Variants in AFG2A observed in about 807,000 individuals in gnomAD.
The protein encoded by AFG2A is AAA ATPase AFG2A.
the AFG2A span, among the ~76,000 whole-genome samples, chr4:123,099,639 G>C: frequency 2.6e-5 from 4 of 151,590 alleles, no homozygotes; most frequent in African/African-American, 9.7e-5. Flanking sequence ...AATAATAGTA[G>C]GGAGGCTGAA....
the AFG2A span, chr4:123,028,438 C>T: frequency 2.5e-5 from 38 of 1,522,486 alleles, no homozygotes; most frequent in Non-Finnish European, 3.4e-5. Flanking sequence ...TCTTGGCCTC[C>T]CCCAACCCCC....
chr4:123,108,665 T>G, the AFG2A span, among the ~76,000 whole-genome samples: 22 of 152,342 alleles, frequency 1.4e-4, no homozygotes, highest in South Asian at 4.1e-3. Flanking sequence ...GAACTTTTTT[T>G]TTTGTATTAG....
At chr4:123,131,268 TCTTTA>T in the AFG2A span, among the ~76,000 whole-genome samples, 1 of 152,186 alleles carries the variant, frequency 6.6e-6, no homozygotes, top group South Asian at 2.1e-4. Flanking sequence ...TAAAATCAAC[TCTTTA>T]CTTATGTATA....
the AFG2A span, among the ~76,000 whole-genome samples, chr4:123,198,762 G>A: frequency 6.6e-6 from 1 of 152,150 alleles, no homozygotes; most frequent in South Asian, 2.1e-4. Flanking sequence ...AATTACCTTT[G>A]CTAAAATTGA....
the AFG2A span, among the ~76,000 whole-genome samples, chr4:123,115,194 C>T: frequency 6.6e-6 from 1 of 152,144 alleles, no homozygotes; most frequent in Non-Finnish European, 1.5e-5. Context: ...GGACCCGGCT[C>T]TCGGTGGCAG....
the AFG2A span, among the ~76,000 whole-genome samples, chr4:123,060,015 T>C: frequency 2.6e-5 from 4 of 152,234 alleles, no homozygotes; most frequent in African/African-American, 9.6e-5. Flanking sequence ...GTTTTTTTCT[T>C]GTAAAGATAG....
At chr4:123,157,775 G>A in the AFG2A span, among the ~76,000 whole-genome samples, 1 of 152,148 alleles carries the variant, frequency 6.6e-6, no homozygotes, top group East Asian at 1.9e-4. Context: ...AGCTTTCTAT[G>A]TCATCATCAA....
chr4:123,315,299 CGCCTCAGCCTCCT>C, the AFG2A span: 2 of 151,544 alleles, frequency 1.3e-5, no homozygotes, highest in Admixed American at 6.6e-5. Flanking sequence ...GCCATTCTCC[CGCCTCAGCCTCCT>C]GAGTAGCTGG....
the AFG2A span, among the ~76,000 whole-genome samples, chr4:123,011,141 G>A: frequency 2.0e-5 from 3 of 152,200 alleles, no homozygotes; most frequent in East Asian, 5.8e-4. Flanking sequence ...TTCCCCATGG[G>A]GGAGCTTACT....
At chr4:123,042,944 A>G in the AFG2A span, among the ~76,000 whole-genome samples, 3 of 152,140 alleles carry the variant, frequency 2.0e-5, no homozygotes, top group Non-Finnish European at 2.9e-5. Flanking sequence ...GAGCTATTCT[A>G]TATTTATTCA....
chr4:123,302,611 A>G, the AFG2A span, among the ~76,000 whole-genome samples: 1 of 151,764 alleles, frequency 6.6e-6, no homozygotes, highest in African/African-American at 2.4e-5. Context: ...CGGTAGGTCA[A>G]GCCATGTGCT....
chr4:122,959,589 G>A, the AFG2A span, among the ~76,000 whole-genome samples: 5 of 152,290 alleles, frequency 3.3e-5, no homozygotes, highest in South Asian at 2.1e-4. Flanking sequence ...AGTTGTGCAC[G>A]TATGTCTAGT....
chr4:123,114,599 C>G, the AFG2A span, among the ~76,000 whole-genome samples: 1 of 152,208 alleles, frequency 6.6e-6, no homozygotes, highest in Non-Finnish European at 1.5e-5. Flanking sequence ...AGCAGATACC[C>G]CTGAGTCTGC....
chr4:123,064,668 T>TA, the AFG2A span, among the ~76,000 whole-genome samples: 1 of 152,196 alleles, frequency 6.6e-6, no homozygotes, highest in Admixed American at 6.5e-5. Context: ...GAGTACTGAC[T>TA]AACCTGTAGA....
the AFG2A span, among the ~76,000 whole-genome samples, chr4:123,063,228 T>G: frequency 5.3e-5 from 8 of 152,174 alleles, no homozygotes; most frequent in African/African-American, 1.9e-4. Context: ...CTGATAGATA[T>G]ACCAGAAGTA....
chr4:123,123,976 A>AG, the AFG2A span, among the ~76,000 whole-genome samples: 2 of 149,288 alleles, frequency 1.3e-5, no homozygotes, highest in East Asian at 1.9e-4. Flanking sequence ...AAAAAAAAAA[A>AG]GTCAGGAAAC....
At chr4:123,204,918 T>C in the AFG2A span, among the ~76,000 whole-genome samples, 1 of 152,208 alleles carries the variant, frequency 6.6e-6, no homozygotes, top group Non-Finnish European at 1.5e-5. Flanking sequence ...GTAGCTATGT[T>C]GGGAGTATGT....
chr4:123,180,410 G>C, the AFG2A span, among the ~76,000 whole-genome samples: 2 of 152,200 alleles, frequency 1.3e-5, no homozygotes, highest in African/African-American at 4.8e-5. Context: ...TGACACTGTA[G>C]TGGGAAGTAA....
At chr4:123,307,051 C>T in the AFG2A span, among the ~76,000 whole-genome samples, 1 of 152,198 alleles carries the variant, frequency 6.6e-6, no homozygotes, top group Non-Finnish European at 1.5e-5. Flanking sequence ...ACATTCCAGA[C>T]AGTCTGTGAT....
Sources: allele counts gnomAD v4.1 joint callset (sites outside exome capture counted in the v4.1 genomes callset), GRCh38; gene constraint gnomAD v4.1.1; transcripts MANE v1.5; gene names NCBI Gene and HGNC (gene_info 2026-07-23, HGNC 2026-07-21).